Variants in CD46 observed in about 807,000 individuals in gnomAD.
CD46 encodes the protein CD46 molecule, also known as membrane cofactor protein.
A neutral mutation model predicts 53.3 loss-of-function variants in CD46; 30 were observed. The observed-to-expected ratio is 0.56, with a 90% CI of 0.42 to 0.76. The LOEUF (loss-of-function observed/expected upper bound fraction) is 0.76. Ranked by LOEUF, CD46 falls within the 30% of genes least tolerant of loss-of-function variation. CD46 has a pLI of 0.00. For missense variants in CD46, 409 were observed against 463.0 expected (o/e 0.88, Z 1.07); for synonymous variants, 142 against 152.0 (o/e 0.93, Z 0.48).
intron 10 of CD46, 23 bp downstream of exon 10, chr1:207,785,129 C>G: frequency 6.4e-7 from 1 of 1,565,330 alleles, no homozygotes; most frequent in Non-Finnish European, 8.8e-7. Context: ...AATTTTGACA[C>G]CACTTAAGTC....
chr1:207,773,490 G>T (rs1041696550), intron 8 of CD46, among the ~76,000 whole-genome samples: 2 of 152,060 alleles, frequency 1.3e-5, no homozygotes, highest in African/African-American at 4.8e-5. Context: ...TGATGTTAGG[G>T]TGTTGATTTT....
intron 8 of CD46, among the ~76,000 whole-genome samples, chr1:207,774,499 A>G (rs2102633247): frequency 6.6e-6 from 1 of 152,318 alleles, no homozygotes; most frequent in Middle Eastern, 3.4e-3. Flanking sequence ...ACCATTTGGT[A>G]TGTTTTTGCA....
At chr1:207,757,784 T>A (rs1268014555) in intron 3 of CD46, 142 bp downstream of exon 3, 15 of 683,152 alleles carry the variant, frequency 2.2e-5, no homozygotes, top group Non-Finnish European at 3.7e-5. Context: ...TTGGATGTTT[T>A]ATGGAGATAG....
intron 11 of CD46, among the ~76,000 whole-genome samples, chr1:207,788,630 T>A (rs1390039129): frequency 6.6e-6 from 1 of 152,212 alleles, no homozygotes; most frequent in Non-Finnish European, 1.5e-5. Flanking sequence ...AAACTTCTTA[T>A]AAAGACTATA....
chr1:207,787,715 C>T (rs561322253), intron 11 of CD46, among the ~76,000 whole-genome samples: 2 of 152,054 alleles, frequency 1.3e-5, no homozygotes, highest in East Asian at 3.9e-4. Context: ...TAGATGTTAC[C>T]CTTTTTATGA....
chr1:207,756,547 A>G (rs1296528127), intron 1 of CD46, among the ~76,000 whole-genome samples: 2 of 152,208 alleles, frequency 1.3e-5, no homozygotes, highest in Admixed American at 6.5e-5. Flanking sequence ...AAAAAGAAGA[A>G]CATGGTTCTT....
At position 207,767,015 on chromosome 1, in the gene CD46, G is replaced by A; in HGVS notation, c.676G>A (p.Val226Ile). The A allele has an allele frequency of 6.2e-7, 1 of 1,613,034 alleles. No individual in the cohort carries two copies. Among genetic ancestry groups the A allele is most frequent in the Non-Finnish European group, 8.5e-7 (1 of 1,179,162 alleles). Residue 226 changes from valine (V) to isoleucine (I), a missense_variant and splice_region_variant, in exon 6 of 13, where the codon GTC (valine) becomes ATC (isoleucine). Transcript: ENST00000367042. ...WSRAAPECKV[V>I]KCRFPVVENG... ...CTGAGGTTTCTCTAATTTTCCAGTG[G>A]TCAAATGTCGATTTCCAGTAGTCGA... is the stretch of plus-strand genomic sequence containing the variant.
chr1:207,756,611 A>G (rs1571576669), intron 1 of CD46, among the ~76,000 whole-genome samples: 2 of 152,256 alleles, frequency 1.3e-5, no homozygotes, highest in Non-Finnish European at 2.9e-5. Context: ...ACAAGCTGTT[A>G]TAAGTTAGTG....
Position 207,757,521 on chromosome 1 carries a change from CAA to C in CD46, c.287-16_287-15del, listed in dbSNP as rs1655695822. ...GTTTTATAACTGGATTGAAAACTAT[CAA>C]AATTATTTTCTTTCAGGAGAAACAT... On this transcript the variant is annotated splice_polypyrimidine_tract_variant and intron_variant, in intron 2 of 12. Transcript: ENST00000367042. The C allele has an allele frequency of 1.3e-6, 2 of 1,496,434 alleles. No homozygotes were observed. Among genetic ancestry groups the C allele is most frequent in the African/African-American group, 2.8e-5 (2 of 72,622 alleles). The allele number at this position is 1,496,434 out of a possible 1,614,324, so 92.7% of individuals were successfully genotyped here.
intron 5 of CD46, 91 bp from the exon 6 acceptor site, chr1:207,766,922 T>C: frequency 1.0e-6 from 1 of 982,122 alleles, no homozygotes; most frequent in Non-Finnish European, 1.6e-6. Flanking sequence ...TTCCATTCCT[T>C]GTCTCTGTTC....
At chr1:207,785,588 T>C in intron 10 of CD46, 31 bp from the exon 11 acceptor site, 2 of 1,505,150 alleles carry the variant, frequency 1.3e-6, no homozygotes, top group Non-Finnish European at 1.8e-6. Context: ...TTTTCAGAAT[T>C]ATATGTCATT....
At chr1:207,760,310 T>C (rs1656035870) in intron 4 of CD46, 1 of 152,976 alleles carries the variant, frequency 6.5e-6, no homozygotes, top group Non-Finnish European at 1.5e-5. Flanking sequence ...GCATATCTCT[T>C]CAACATCTGG....
At chr1:207,759,380 A>G (rs1259622592) in intron 3 of CD46, among the ~76,000 whole-genome samples, 2 of 152,260 alleles carry the variant, frequency 1.3e-5, no homozygotes, top group African/African-American at 4.8e-5. Flanking sequence ...TGCAGGAGGC[A>G]GCAAAGAGGC....
At chr1:207,756,027 G>A (rs1251688781) in intron 1 of CD46, among the ~76,000 whole-genome samples, 14 of 152,130 alleles carry the variant, frequency 9.2e-5, no homozygotes, top group Admixed American at 4.6e-4. Flanking sequence ...ATCCATGCAG[G>A]GGAGAGTCCA....
In CD46 at chr1:207,781,952, C is replaced by A. The variant is rs540366618; in HGVS notation, c.944-1340C>A. Among the ~76,000 whole-genome samples the A allele has an allele frequency of 1.6e-3, 244 of 151,306 alleles. 1 individual carries two copies. The highest frequency in any genetic ancestry group is 4.3e-3 in the African/African-American group (175 of 41,118). ...ATTTTTCTATTTCAGAAAAAAAAAA[C>A]CAAAAAATACCATCATCAGGATTTT... On this transcript the variant is annotated intron_variant, in intron 8 of 12. Transcript: ENST00000367042.
At chr1:207,780,950 G>A (rs1407605768) in intron 8 of CD46, among the ~76,000 whole-genome samples, 1 of 151,768 alleles carries the variant, frequency 6.6e-6, no homozygotes, top group Non-Finnish European at 1.5e-5. Context: ...GTGAGAGAGA[G>A]AGTAAGAGGG....
chr1:207,759,907 T>A lies in CD46; in HGVS notation c.475+183T>A, dbSNP rs1433327231. The A allele has an allele frequency of 4.4e-5, 24 of 541,326 alleles. No individual in the cohort carries two copies. The South Asian group carries it at 4.8e-4, about 11-fold the overall frequency. The allele number at this position is 541,326 out of a possible 1,614,324, so 33.5% of individuals were successfully genotyped here. A position where few individuals can be genotyped will look rare whatever the true frequency, so the allele number is the denominator to read the frequency against. The stretch of plus-strand genomic sequence containing the variant: ...GAGGTTTTTAAATAATTATTGATTC[T>A]TTTTGGTTTTGTTTGTTTTTCCTAA... On this transcript the variant is annotated intron_variant, in intron 4 of 12. Coordinates refer to ENST00000367042, the MANE Select transcript of CD46 (RefSeq NM_172351.3).
At chr1:207,756,893 T>C (rs191877084) in intron 1 of CD46, 121 bp from the exon 2 acceptor site, 2 of 779,296 alleles carry the variant, frequency 2.6e-6, no homozygotes, top group African/African-American at 3.4e-5. Context: ...GGAACAGTCA[T>C]TTAAAATCTT....
rs570202367 is a variant in CD46, at chr1:207,753,545, C to A, written c.97+1236C>A. Reference sequence around the variant, plus strand: ...AATTAGCTGGGCATGGTGGTTTATGCCCGTGGTCCCAGCTACTCTGGGGGC... The same window carrying A: ...AATTAGCTGGGCATGGTGGTTTATGACCGTGGTCCCAGCTACTCTGGGGGC... On this transcript the variant is annotated intron_variant, in intron 1 of 12. Coordinates refer to ENST00000367042, the MANE Select transcript of CD46 (RefSeq NM_172351.3). Among the ~76,000 whole-genome samples the A allele has an allele frequency of 3.9e-5, 6 of 152,250 alleles. No individual in the cohort carries two copies. The South Asian group carries it at 1.2e-3, about 32-fold the overall frequency.
Sources: allele counts gnomAD v4.1 joint callset (sites outside exome capture counted in the v4.1 genomes callset), GRCh38; gene constraint gnomAD v4.1.1; transcripts MANE v1.5; gene names NCBI Gene and HGNC (gene_info 2026-07-23, HGNC 2026-07-21).